The following COL6A2 variants were observed in gnomAD, a reference collection of about 807,000 sequenced individuals.
COL6A2 encodes collagen alpha-2(VI) chain.
A neutral mutation model predicts 124.9 loss-of-function variants in COL6A2; 90 were observed. That is an observed-to-expected ratio of 0.72 (90% CI 0.61 to 0.86). The LOEUF (loss-of-function observed/expected upper bound fraction) is 0.86. Ranked by LOEUF, COL6A2 falls within the 40% of genes least tolerant of loss-of-function variation. The pLI, the probability that COL6A2 is intolerant of heterozygous loss-of-function variation, is 0.00. For synonymous variants in COL6A2, 793 were observed against 618.2 expected (o/e 1.28, Z -4.19); for missense variants, 1,607 against 1,502.5 (o/e 1.07, Z -1.15).
chr21:46,118,075 T>A, intron 12 of COL6A2, 139 bp downstream of exon 12: 1 of 821,666 alleles, frequency 1.2e-6, no homozygotes, highest in Non-Finnish European at 1.9e-6. Context: ...GGCCGTGGGA[T>A]GTGGTGGAGG....
At position 46,132,594 on chromosome 21, in the gene COL6A2, C is replaced by G; in HGVS notation, c.*42C>G. 1 of 1,542,612 alleles carries G rather than the reference C, an allele frequency of 6.5e-7. No homozygotes were observed. ...CCGCAGTCGAGGGTCGTGAGCCCAC[C>G]CCGTCCATGGTGCTAAGCGGGCCCG... is the stretch of plus-strand genomic sequence containing the variant. On this transcript the variant is annotated 3_prime_UTR_variant, in exon 28 of 28. Coordinates refer to ENST00000300527, the MANE Select transcript of COL6A2 (RefSeq NM_001849.4).
chr21:46,098,522 C>T (rs2078251122), intron 1 of COL6A2, among the ~76,000 whole-genome samples: 1 of 151,980 alleles, frequency 6.6e-6, no homozygotes, highest in East Asian at 1.9e-4. Context: ...ACCCCGGCAC[C>T]GCACGCCCCG....
intron 1 of COL6A2, among the ~76,000 whole-genome samples, chr21:46,099,548 T>C (rs534859763): frequency 2.0e-5 from 3 of 151,404 alleles, no homozygotes; most frequent in Non-Finnish European, 4.4e-5. Context: ...TGCTGCCTCC[T>C]GTGGCCTATT....
rs61735833 is a variant in COL6A2, at chr21:46,112,151, C to T, written c.288C>T (p.Tyr96=). ...YLDQVALSWR[Y]GGLHFSDQVE... is the part of the protein sequence containing the mutation. The stretch of plus-strand genomic sequence containing the variant: ...ACCAGGTGGCGCTGAGCTGGCGCTA[C>T]GGCGGCCTGCACTTCTCTGACCAGG... The change falls in exon 3 of 28, where the codon TAC becomes TAT. Residue 96 remains tyrosine, a synonymous_variant. Coordinates refer to ENST00000300527, the MANE Select transcript of COL6A2 (RefSeq NM_001849.4). The T allele has an allele frequency of 1.8e-4, 283 of 1,613,072 alleles. 2 individuals carry two copies. In the African/African-American group the frequency reaches 3.0e-3, roughly 17 times the overall value.
rs9977766 is a variant in COL6A2 at position 46,128,911 on chromosome 21, G to A, written c.2461+2370G>A. On this transcript the variant is annotated intron_variant, in intron 27 of 27. Coordinates refer to ENST00000300527, the MANE Select transcript of COL6A2 (RefSeq NM_001849.4). ...GCCTGTCTCCGGCACAGGTTTGGACGGAGCTGTTTTGTGCTGAAAGGTTTT... is the reference window on the plus strand; with the variant it reads ...GCCTGTCTCCGGCACAGGTTTGGACAGAGCTGTTTTGTGCTGAAAGGTTTT... 968 of 1,612,754 alleles carry A rather than the reference G, an allele frequency of 6.0e-4. 7 individuals are homozygous for A. The African/African-American group carries it at 8.7e-3, about 15-fold the overall frequency.
intron 4 of COL6A2, chr21:46,113,734 C>T: frequency 1.8e-6 from 1 of 541,554 alleles, no homozygotes; most frequent in Admixed American, 3.1e-5. Context: ...TTCTTCCCTT[C>T]TATTTTCTGT....
At chr21:46,111,403 G>A (rs1003167023) in intron 1 of COL6A2, 47 bp from the exon 2 acceptor site, 8 of 1,126,944 alleles carry the variant, frequency 7.1e-6, no homozygotes, top group Non-Finnish European at 8.0e-6. Flanking sequence ...GAGGGTGCCA[G>A]GGGAGAGGCA....
chr21:46,125,361 C>A (rs368592024), intron 24 of COL6A2, 50 bp downstream of exon 24: 16 of 1,603,196 alleles, frequency 1.0e-5, no homozygotes, highest in Non-Finnish European at 1.4e-5. Context: ...GGGTGGAGGG[C>A]GGGAGTGCAG....
At position 46,131,956 on chromosome 21, in the gene COL6A2, C is replaced by T. The variant is rs759580441; in HGVS notation, c.2464C>T (p.Leu822=). Residue 822 remains leucine, a splice_region_variant and synonymous_variant, in exon 28 of 28, where the codon CTG becomes TTG. Coordinates refer to ENST00000300527, the MANE Select transcript of COL6A2 (RefSeq NM_001849.4). ...VCPDLPCQTE[L]SVAQCTQRPV... Reference sequence around the variant, plus strand: ...CCCGCACCTGCGTCTCCCCACAGAGCTGTCCGTGGCACAGTGCACGCAGCG... The same window carrying T: ...CCCGCACCTGCGTCTCCCCACAGAGTTGTCCGTGGCACAGTGCACGCAGCG... 5 of 1,599,640 alleles carry T rather than the reference C, an allele frequency of 3.1e-6. No homozygotes were observed. Among genetic ancestry groups the T allele is most frequent in the East Asian group, 2.3e-5 (1 of 44,014 alleles).
At position 46,122,865 on chromosome 21, in the gene COL6A2, C is replaced by T. The variant is rs17357592; in HGVS notation, c.1609-10C>T. The T allele has an allele frequency of 0.16, 261,631 of 1,611,276 alleles. 24,190 individuals carry two copies. Among genetic ancestry groups the T allele is most frequent in the Non-Finnish European group, 0.19 (225,871 of 1,178,144 alleles). On this transcript the variant is annotated splice_polypyrimidine_tract_variant and intron_variant, in intron 20 of 27. Coordinates refer to ENST00000300527, the MANE Select transcript of COL6A2 (RefSeq NM_001849.4). ...CTCTGTCCCAGGCTAACATGTGTTC[C>T]CTGTCACAGGGAGGCCGAGGCGACT... is the stretch of plus-strand genomic sequence containing the variant.
Position 46,116,734 on chromosome 21 carries a change from G to A in COL6A2, c.955-36G>A, listed in dbSNP as rs749416405. On this transcript the variant is annotated intron_variant, in intron 9 of 27. Coordinates refer to ENST00000300527, the MANE Select transcript of COL6A2 (RefSeq NM_001849.4). This position sits in a 1 kb window ranked among gnomAD's most constrained non-coding sequence, Gnocchi z 4.6. ...TCCTGCTGCTCAGGGCAGAAGGACC[G>A]GGGCTAATGGAGTTCCCTCTTCCTT... 20 of 1,612,958 alleles carry A rather than the reference G, an allele frequency of 1.2e-5. No individual in the cohort carries two copies. Among genetic ancestry groups the A allele is most frequent in the Admixed American group, 1.2e-4 (7 of 60,000 alleles).
chr21:46,124,836 G>T, intron 22 of COL6A2, 49 bp from the exon 23 acceptor site: 1 of 1,611,166 alleles, frequency 6.2e-7, no homozygotes, highest in African/African-American at 1.3e-5. Flanking sequence ...GAGAGACTCA[G>T]CCACCCAGCC....
At chr21:46,108,741 TG>T (rs2078362536) in intron 1 of COL6A2, among the ~76,000 whole-genome samples, 1 of 152,240 alleles carries the variant, frequency 6.6e-6, no homozygotes, top group African/African-American at 2.4e-5. Flanking sequence ...TCTGGTATAG[TG>T]GTCCTTAATA....
chr21:46,120,930 G>A, intron 16 of COL6A2, 131 bp from the exon 17 acceptor site: 1 of 848,906 alleles, frequency 1.2e-6, no homozygotes, highest in Non-Finnish European at 2.0e-6. Flanking sequence ...CAGCCTCCGG[G>A]GAGGGTCATA....
chr21:46,113,394 A>G (rs1302366114), intron 4 of COL6A2, among the ~76,000 whole-genome samples: 1 of 151,812 alleles, frequency 6.6e-6, no homozygotes, highest in Admixed American at 6.6e-5. Context: ...TTGTTTTTTT[A>G]GAGACAGGGT....
chr21:46,127,729 G>C (rs1457390914), intron 27 of COL6A2, among the ~76,000 whole-genome samples: 2 of 152,138 alleles, frequency 1.3e-5, no homozygotes, highest in African/African-American at 4.8e-5. Flanking sequence ...TATCAGGTGG[G>C]GGGCCTTCCT....
At position 46,111,455 on chromosome 21, in the gene COL6A2, C is replaced by G. The variant is rs771506373; in HGVS notation, c.-22C>G. On this transcript the variant is annotated 5_prime_UTR_variant, in exon 2 of 28. Transcript: ENST00000300527. ...GACCCCCACCCCTGTTGCAGGACTT[C>G]AGGGCCACAGGTGCTGCCAAGATGC... 3 of 1,594,104 alleles carry G rather than the reference C, an allele frequency of 1.9e-6. No individual in the cohort carries two copies. Among genetic ancestry groups the G allele is most frequent in the Admixed American group, 3.3e-5 (2 of 59,832 alleles).
chr21:46,118,138 C>T (rs1284617236), intron 12 of COL6A2, among the ~76,000 whole-genome samples: 2 of 152,044 alleles, frequency 1.3e-5, no homozygotes, highest in African/African-American at 2.4e-5. Flanking sequence ...GCGGCCCCGC[C>T]GCTGCTCACC....
chr21:46,126,094 G>A lies in COL6A2; in HGVS notation c.2279G>A (p.Gly760Glu). Reference sequence around the variant, plus strand: ...GTCACAGTGACGGCCATCGGCATCGGGGACATGTTCCACGAGAAGCACGAG... The same window carrying A: ...GTCACAGTGACGGCCATCGGCATCGAGGACATGTTCCACGAGAAGCACGAG... ...RDVTVTAIGI[G>E]DMFHEKHESE... Residue 760 changes from glycine to glutamate, a missense_variant, in exon 26 of 28, where the codon GGG becomes GAG. Physicochemically the swap from Gly to Glu is moderately conservative, Grantham distance 98. Coordinates refer to ENST00000300527, the MANE Select transcript of COL6A2 (RefSeq NM_001849.4). The A allele has an allele frequency of 6.2e-7, 1 of 1,612,890 alleles. No homozygotes were observed. Among genetic ancestry groups the A allele is most frequent in the Non-Finnish European group, 8.5e-7 (1 of 1,180,020 alleles).
Sources: gnomAD v4.1 joint callset for allele counts (sites outside exome capture counted in the v4.1 genomes callset) on GRCh38, gnomAD v4.1.1 for gene constraint, Gnocchi (gnomAD v3.1) non-coding constraint, MANE v1.5 for transcripts, NCBI Gene and HGNC (gene_info 2026-07-23, HGNC 2026-07-21) for gene names.